Variants in RIC1 observed in about 807,000 individuals in gnomAD.
The protein encoded by RIC1 is RIC1 partner of RAB6A GEF complex, also known as guanine nucleotide exchange factor subunit RIC1.
A neutral mutation model predicts 169.0 loss-of-function variants in RIC1; 88 were observed. The ratio of observed to expected loss-of-function variants is 0.52; its 90% CI spans 0.44 to 0.62. The LOEUF (loss-of-function observed/expected upper bound fraction) is 0.62, where lower values mean the gene tolerates loss of function less well. Ranked by LOEUF, RIC1 falls within the 20% of genes least tolerant of loss-of-function variation. RIC1 has a pLI of 0.00. For synonymous variants in RIC1, 790 were observed against 601.5 expected (o/e 1.31, Z -4.59); for missense variants, 1,877 against 1,725.5 (o/e 1.09, Z -1.56).
intron 3 of RIC1, among the ~76,000 whole-genome samples, chr9:5,703,249 C>T (rs371349343): frequency 6.0e-4 from 91 of 152,234 alleles, no homozygotes; most frequent in East Asian, 9.6e-4. Context: ...ACTCCCGTTC[C>T]GAAAGGGAAG....
intron 3 of RIC1, among the ~76,000 whole-genome samples, chr9:5,696,692 C>T (rs1474064743): frequency 2.0e-5 from 3 of 152,096 alleles, no homozygotes; most frequent in East Asian, 1.9e-4. Context: ...TTTCACTCTC[C>T]AGTTGTCCTG....
intron 3 of RIC1, among the ~76,000 whole-genome samples, chr9:5,709,189 T>C (rs1402317508): frequency 6.6e-6 from 1 of 152,198 alleles, no homozygotes. Context: ...AAGTAAATCA[T>C]GTGGCCACAC....
chr9:5,739,208 C>T (rs1193585806), intron 8 of RIC1, among the ~76,000 whole-genome samples: 1 of 152,120 alleles, frequency 6.6e-6, no homozygotes, highest in Non-Finnish European at 1.5e-5. Context: ...TGGATCCCTT[C>T]CTCTACATTA....
At chr9:5,756,469 T>A in intron 16 of RIC1, 97 bp downstream of exon 16, 2 of 789,190 alleles carry the variant, frequency 2.5e-6, no homozygotes, top group East Asian at 6.0e-5. Context: ...TCCACTTTTA[T>A]ATTCAATCTT....
intron 2 of RIC1, among the ~76,000 whole-genome samples, chr9:5,664,020 G>T (rs767000799): frequency 2.6e-5 from 4 of 152,084 alleles, no homozygotes; most frequent in African/African-American, 9.7e-5. Context: ...TTCCCTCAGC[G>T]TTTGCTTGTC....
rs764219152 is a variant in RIC1 at position 5,732,411 on chromosome 9, A to G, written c.744A>G (p.Gln248=). 2.5e-6 allele frequency: 4 copies of G among 1,610,562 alleles called. No individual in the cohort carries two copies. The highest frequency in any genetic ancestry group is 1.7e-5 in the Admixed American group (1 of 59,442). ...AGCAGCTTCATGGAGTTTGGCCACA[A>G]GATGTTGTTGACGGAACGTGTGTAG... is the stretch of plus-strand genomic sequence containing the variant. ...TAEQLHGVWP[Q]DVVDGTCVAV... The change falls in exon 7 of 26, where the codon CAA becomes CAG. Residue 248 remains glutamine (Q), a synonymous_variant. Transcript: ENST00000414202.
chr9:5,751,383 TCTCA>T lies in RIC1; in HGVS notation c.1453-1813_1453-1810del, dbSNP rs367631904. On this transcript the variant is annotated intron_variant, in intron 12 of 25. Coordinates refer to ENST00000414202, the MANE Select transcript of RIC1 (RefSeq NM_020829.4). ...GGGTCTGGGGGGCAGGGAGACAGAG[TCTCA>T]CTCTGTTGCCCAGGCTGGAGTGCAG... 2.2e-4 allele frequency among the ~76,000 whole-genome samples: 33 copies of T among 151,846 alleles called. No homozygotes were observed. The South Asian group carries it at 6.4e-3, about 30-fold the overall frequency.
chr9:5,734,049 T>A (rs1312327563), intron 7 of RIC1, among the ~76,000 whole-genome samples: 1 of 147,246 alleles, frequency 6.8e-6, no homozygotes, highest in Non-Finnish European at 1.5e-5. Flanking sequence ...TTTAGATATA[T>A]ATATTTAAAT....
intron 6 of RIC1, among the ~76,000 whole-genome samples, chr9:5,726,118 C>A (rs1823963757): frequency 2.6e-5 from 4 of 152,144 alleles, no homozygotes; most frequent in Admixed American, 1.3e-4. Context: ...TGTTAACTTT[C>A]TGTCTCTTTG....
At chr9:5,647,526 G>A (rs1437939517) in intron 1 of RIC1, among the ~76,000 whole-genome samples, 1 of 152,098 alleles carries the variant, frequency 6.6e-6, no homozygotes, top group East Asian at 1.9e-4. Context: ...TTGCCTGCTT[G>A]GTTAGGTTTA....
At chr9:5,675,828 A>G (rs1319560528) in intron 2 of RIC1, among the ~76,000 whole-genome samples, 2 of 152,234 alleles carry the variant, frequency 1.3e-5, no homozygotes, top group Non-Finnish European at 2.9e-5. Context: ...AGTTTTAATT[A>G]TATACTGAAT....
Position 5,765,535 on chromosome 9 carries a change from G to A in RIC1, c.2963G>A (p.Gly988Glu), listed in dbSNP as rs146822996. Residue 988 changes from glycine (G) to glutamate (E), a missense_variant, in exon 20 of 26, where the codon GGA becomes GAA. Gly to Glu is a moderately conservative substitution (Grantham distance 98). This residue lies in a region of RIC1 where 681 missense variants were observed against 582.0 expected (regional missense o/e 1.17). Coordinates refer to ENST00000414202, the MANE Select transcript of RIC1 (RefSeq NM_020829.4). ...CGATTTCTTAAAGCCATTGGCTCTG[G>A]AGAATCTGAGACACCTCCATCCACA... Reference protein sequence around the residue: ...MIRFLKAIGSGESETPPSTPT... With the variant: ...MIRFLKAIGSEESETPPSTPT... 8.9e-4 allele frequency: 1,439 copies of A among 1,611,454 alleles called. 1 individual carries two copies. The highest frequency in any genetic ancestry group is 1.2e-3 in the Non-Finnish European group (1,367 of 1,179,072).
chr9:5,685,514 A>C (rs941484107), intron 2 of RIC1, among the ~76,000 whole-genome samples: 8 of 149,606 alleles, frequency 5.3e-5, no homozygotes, highest in Non-Finnish European at 1.2e-4. Flanking sequence ...TGAGAAAAAC[A>C]AGCAATGGGG....
At chr9:5,752,778 A>T (rs762820319) in intron 12 of RIC1, among the ~76,000 whole-genome samples, 8 of 152,134 alleles carry the variant, frequency 5.3e-5, no homozygotes, top group Non-Finnish European at 1.0e-4. Context: ...AAGTAATAAA[A>T]ATATTTCCAT....
intron 7 of RIC1, 56 bp from the exon 8 acceptor site, chr9:5,738,394 T>G: frequency 8.2e-7 from 1 of 1,225,174 alleles, no homozygotes; most frequent in Non-Finnish European, 1.2e-6. Flanking sequence ...CTATAATGCT[T>G]TTTCTATTTG....
At chr9:5,747,795 C>T (rs1825471871) in intron 12 of RIC1, among the ~76,000 whole-genome samples, 4 of 151,854 alleles carry the variant, frequency 2.6e-5, no homozygotes, top group Non-Finnish European at 1.5e-5. Context: ...CTTTCAGCCT[C>T]TTTTTTTGTA....
At chr9:5,748,535 C>G (rs1274799776) in intron 12 of RIC1, 3 of 152,626 alleles carry the variant, frequency 2.0e-5, no homozygotes, top group Non-Finnish European at 4.4e-5. Context: ...TAAAACTGCA[C>G]TAGCTACTTC....
chr9:5,756,863 C>A (rs1382866845), intron 16 of RIC1, among the ~76,000 whole-genome samples: 2 of 152,132 alleles, frequency 1.3e-5, no homozygotes, highest in East Asian at 3.9e-4. Context: ...GGCATCTGGT[C>A]TACTTGCAAC....
intron 2 of RIC1, among the ~76,000 whole-genome samples, chr9:5,687,049 A>G (rs1050816980): frequency 4.6e-5 from 7 of 152,162 alleles, no homozygotes; most frequent in Non-Finnish European, 8.8e-5. Context: ...CAGGGTACAG[A>G]TTTCTTTTCA....
Sources: gnomAD v4.1 joint callset for allele counts (sites outside exome capture counted in the v4.1 genomes callset) on GRCh38, gnomAD v4.1.1 for gene constraint, gnomAD v4.1.1 regional missense constraint, MANE v1.5 for transcripts, NCBI Gene and HGNC (gene_info 2026-07-23, HGNC 2026-07-21) for gene names.